The following HLCS variants were observed in gnomAD, a reference collection of about 807,000 sequenced individuals.
The protein encoded by HLCS is biotin--protein ligase.
Under a neutral mutation model 75.0 loss-of-function variants are expected in HLCS, and 53 were observed. That is an observed-to-expected ratio of 0.71 (90% CI 0.57 to 0.89). The LOEUF is 0.89. Ranked by LOEUF, HLCS falls within the 40% of genes least tolerant of loss-of-function variation. The pLI is 0.00. For missense variants in HLCS, 966 were observed against 1,074.0 expected (o/e 0.90, Z 1.41); for synonymous variants, 431 against 428.6 (o/e 1.01, Z -0.07).
chr21:36,781,188 C>T (rs1018418966), intron 6 of HLCS, among the ~76,000 whole-genome samples: 12 of 146,764 alleles, frequency 8.2e-5, no homozygotes, highest in South Asian at 2.2e-4. Flanking sequence ...GGAGCTGAGG[C>T]GGAGGTTGCA....
chr21:36,846,620 A>G (rs1317978830), intron 6 of HLCS, among the ~76,000 whole-genome samples: 1 of 152,244 alleles, frequency 6.6e-6, no homozygotes, highest in Admixed American at 6.5e-5. Context: ...AGGCAGCAGA[A>G]TGGGAAGAAA....
intron 6 of HLCS, among the ~76,000 whole-genome samples, chr21:36,895,216 C>T (rs770563373): frequency 6.6e-6 from 1 of 152,156 alleles, no homozygotes; most frequent in Non-Finnish European, 1.5e-5. Context: ...CTGAACTTCA[C>T]CTCCCCAAAT....
chr21:36,952,598 C>G (rs1275837669), intron 2 of HLCS, among the ~76,000 whole-genome samples: 1 of 152,036 alleles, frequency 6.6e-6, no homozygotes, highest in African/African-American at 2.4e-5. Context: ...TGGAGACCAT[C>G]CTGGCCAACA....
chr21:36,939,306 T>G (rs2067034006), intron 2 of HLCS, among the ~76,000 whole-genome samples: 1 of 152,204 alleles, frequency 6.6e-6, no homozygotes, highest in African/African-American at 2.4e-5. Context: ...AACACCATGC[T>G]GCCCTTTAAA....
At chr21:36,761,356 G>A (rs558145980) in intron 8 of HLCS, among the ~76,000 whole-genome samples, 27 of 152,290 alleles carry the variant, frequency 1.8e-4, no homozygotes, top group Non-Finnish European at 3.4e-4. Flanking sequence ...CGGCCCGTTA[G>A]AGCATATTGG....
chr21:36,877,368 G>A (rs2064025430), intron 6 of HLCS, among the ~76,000 whole-genome samples: 1 of 151,154 alleles, frequency 6.6e-6, no homozygotes, highest in Admixed American at 6.6e-5. Context: ...TTTTAGAATG[G>A]CATTTTATCT....
chr21:36,905,557 A>C (rs1344725747), intron 5 of HLCS, among the ~76,000 whole-genome samples: 6 of 152,210 alleles, frequency 3.9e-5, no homozygotes, highest in Non-Finnish European at 8.8e-5. Flanking sequence ...ATTTGGGTGG[A>C]ACCAACAGCT....
chr21:36,839,421 T>G (rs956148682), intron 6 of HLCS, among the ~76,000 whole-genome samples: 10 of 152,240 alleles, frequency 6.6e-5, no homozygotes, highest in Admixed American at 2.6e-4. Context: ...CCACTCACTA[T>G]TTTTGCAAGA....
chr21:36,836,114 A>G lies in HLCS; in HGVS notation c.1892+60746T>C, dbSNP rs143653365. 8.0e-5 allele frequency among the ~76,000 whole-genome samples: 12 copies of G among 150,748 alleles called. No homozygotes were observed. In the East Asian group the frequency reaches 2.3e-3, roughly 29 times the overall value. The stretch of plus-strand genomic sequence containing the variant: ...TTGTATTCGTAGCAGAGTCCCACAA[A>G]AGTCCCCCGAGAAAATCTCCTAGTC... On this transcript the variant is annotated intron_variant, in intron 6 of 10. Coordinates refer to ENST00000674895, the MANE Select transcript of HLCS (RefSeq NM_001352514.2).
At chr21:36,913,616 C>T (rs2065811494) in intron 5 of HLCS, among the ~76,000 whole-genome samples, 1 of 152,056 alleles carries the variant, frequency 6.6e-6, no homozygotes, top group Non-Finnish European at 1.5e-5. Flanking sequence ...CAAAAATTAG[C>T]AGGGCATGGT....
chr21:36,977,658 G>C (rs1392047534), intron 1 of HLCS, among the ~76,000 whole-genome samples: 1 of 152,224 alleles, frequency 6.6e-6, no homozygotes, highest in Non-Finnish European at 1.5e-5. Context: ...TGAAGCAATA[G>C]AGGCCATGGT....
At chr21:36,983,600 G>A (rs912585322) in intron 1 of HLCS, among the ~76,000 whole-genome samples, 1 of 151,920 alleles carries the variant, frequency 6.6e-6, no homozygotes, top group Non-Finnish European at 1.5e-5. Flanking sequence ...CACTTTGGGA[G>A]GCTGAGGCGG....
chr21:36,795,431 T>C (rs1442140006), intron 6 of HLCS, among the ~76,000 whole-genome samples: 1 of 150,360 alleles, frequency 6.7e-6, no homozygotes, highest in Non-Finnish European at 1.5e-5. Flanking sequence ...ATGATGACAA[T>C]ATGCAACTTT....
At chr21:36,935,102 T>G (rs2066818967) in intron 4 of HLCS, among the ~76,000 whole-genome samples, 1 of 152,220 alleles carries the variant, frequency 6.6e-6, no homozygotes, top group African/African-American at 2.4e-5. Context: ...AAGTCTGTGC[T>G]CAGGGGTGGT....
chr21:36,816,387 C>A (rs2061664499), intron 6 of HLCS, among the ~76,000 whole-genome samples: 1 of 136,280 alleles, frequency 7.3e-6, no homozygotes, highest in Non-Finnish European at 1.6e-5. Flanking sequence ...CAAAGGAAGA[C>A]CCTATCTCAA....
intron 6 of HLCS, among the ~76,000 whole-genome samples, chr21:36,798,796 G>C (rs1265639669): frequency 6.6e-6 from 1 of 152,138 alleles, no homozygotes; most frequent in Non-Finnish European, 1.5e-5. Context: ...GTGACACTGA[G>C]CATTTTCTCA....
chr21:36,837,311 T>C (rs1179958554), intron 6 of HLCS, among the ~76,000 whole-genome samples: 1 of 152,250 alleles, frequency 6.6e-6, no homozygotes, highest in Non-Finnish European at 1.5e-5. Flanking sequence ...ATACAAACTA[T>C]ATGCTATACT....
chr21:36,877,331 C>G (rs1039559225), intron 6 of HLCS, among the ~76,000 whole-genome samples: 7 of 151,654 alleles, frequency 4.6e-5, no homozygotes, highest in African/African-American at 1.5e-4. Context: ...TTCTAGTCCT[C>G]TTTTCCTGAC....
chr21:36,915,253 G>A (rs902708824), intron 5 of HLCS, among the ~76,000 whole-genome samples: 1 of 152,240 alleles, frequency 6.6e-6, no homozygotes, highest in African/African-American at 2.4e-5. Context: ...GAGAAAACGA[G>A]AACATCTCTC....
Sources: gnomAD v4.1 joint callset for allele counts (sites outside exome capture counted in the v4.1 genomes callset) on GRCh38, gnomAD v4.1.1 for gene constraint, MANE v1.5 for transcripts, NCBI Gene and HGNC (gene_info 2026-07-23, HGNC 2026-07-21) for gene names.